The following DGKB variants were observed in gnomAD, a reference collection of about 807,000 sequenced individuals.
The protein encoded by DGKB is diacylglycerol kinase beta.
In DGKB, 67 loss-of-function variants were observed where a neutral mutation model predicts 114.3. The ratio of observed to expected loss-of-function variants is 0.59; its 90% CI spans 0.48 to 0.72. The LOEUF (loss-of-function observed/expected upper bound fraction) is 0.72, where lower values mean the gene tolerates loss of function less well. Among genes scored for constraint, DGKB ranks in the 30% least tolerant of loss-of-function variants. DGKB has a pLI of 0.00. For missense variants in DGKB, 907 were observed against 975.2 expected, an observed-to-expected ratio of 0.93 and a Z score of 0.93; for synonymous variants, 398 against 323.1, an observed-to-expected ratio of 1.23 and a Z score of -2.49.
At chr7:14,843,446 T>C (rs2128142152) in intron 1 of DGKB, among the ~76,000 whole-genome samples, 1 of 145,778 alleles carries the variant, frequency 6.9e-6, no homozygotes, top group African/African-American at 2.5e-5. Flanking sequence ...GCCATTCTCC[T>C]GCCTCAGCCT....
At chr7:14,264,576 T>C (rs1158230936) in intron 23 of DGKB, among the ~76,000 whole-genome samples, 3 of 152,148 alleles carry the variant, frequency 2.0e-5, no homozygotes, top group Non-Finnish European at 2.9e-5. Flanking sequence ...TCAAGCAACT[T>C]CTATTTTTGC....
intron 1 of DGKB, among the ~76,000 whole-genome samples, chr7:14,889,061 G>A (rs1186478596): frequency 6.6e-6 from 1 of 151,596 alleles, no homozygotes; most frequent in Non-Finnish European, 1.5e-5. Flanking sequence ...AAGACTCTAC[G>A]CTGGTCAGAA....
intron 2 of DGKB, among the ~76,000 whole-genome samples, chr7:14,765,935 C>A (rs917317529): frequency 6.6e-5 from 10 of 151,850 alleles, no homozygotes; most frequent in Non-Finnish European, 1.3e-4. Flanking sequence ...TAAATATTTC[C>A]ACCATGACAA....
At chr7:14,261,982 T>C (rs1796844081) in intron 23 of DGKB, among the ~76,000 whole-genome samples, 1 of 152,222 alleles carries the variant, frequency 6.6e-6, no homozygotes, top group Admixed American at 6.5e-5. Flanking sequence ...CATAGTGAAA[T>C]GTGCTATACG....
At chr7:14,969,754 T>A (rs1480205603) in intron 1 of DGKB, among the ~76,000 whole-genome samples, 1 of 152,182 alleles carries the variant, frequency 6.6e-6, no homozygotes, top group Non-Finnish European at 1.5e-5. Flanking sequence ...GGACCATTGG[T>A]CTACTACACG....
intron 17 of DGKB, among the ~76,000 whole-genome samples, chr7:14,589,196 G>T (rs565840840): frequency 2.6e-5 from 4 of 151,510 alleles, no homozygotes; most frequent in Non-Finnish European, 5.9e-5. Context: ...TAATATTTTT[G>T]TTGCTGGCAT....
chr7:14,763,317 G>A (rs1317658828), intron 2 of DGKB, among the ~76,000 whole-genome samples: 4 of 152,016 alleles, frequency 2.6e-5, no homozygotes, highest in East Asian at 1.9e-4. Flanking sequence ...AACTCTCTCA[G>A]AATCTACATC....
intron 2 of DGKB, among the ~76,000 whole-genome samples, chr7:14,771,002 G>C (rs151058246): frequency 6.6e-6 from 1 of 151,830 alleles, no homozygotes; most frequent in Non-Finnish European, 1.5e-5. Flanking sequence ...AGTTTTATTG[G>C]GGGTATCTGA....
intron 25 of DGKB, among the ~76,000 whole-genome samples, chr7:14,172,923 C>T (rs1284013667): frequency 3.9e-5 from 6 of 152,074 alleles, no homozygotes; most frequent in African/African-American, 1.2e-4. Flanking sequence ...ATATGTTCTA[C>T]ATGCTCAGGA....
In DGKB at chr7:14,948,560, A is replaced by C. The variant is rs985136427; in HGVS notation, c.-188+26136T>G. 4.0e-5 allele frequency among the ~76,000 whole-genome samples: 6 copies of C among 151,896 alleles called. 1 individual carries two copies. Among genetic ancestry groups the C allele is most frequent in the Admixed American group, 2.6e-4 (4 of 15,180 alleles). Reference sequence around the variant, plus strand: ...AATAGATCTTCCAGGAATGTGAAGAAGTTGAAGTTAAATCTTTCACATTAA... The same window carrying C: ...AATAGATCTTCCAGGAATGTGAAGACGTTGAAGTTAAATCTTTCACATTAA... On this transcript the variant is annotated intron_variant, in intron 1 of 4. Transcript: ENST00000437998.
intron 2 of DGKB, among the ~76,000 whole-genome samples, chr7:14,769,123 AAGAGAG>A (rs756712026): frequency 1.1e-4 from 10 of 89,172 alleles, no homozygotes; most frequent in African/African-American, 4.3e-4. Flanking sequence ...GAAAGAAAGA[AAGAGAG>A]AGAGAGAAAG....
chr7:14,825,012 G>GTATGTGTA (rs1845467741), intron 2 of DGKB, among the ~76,000 whole-genome samples: 3 of 60,844 alleles, frequency 4.9e-5, no homozygotes, highest in African/African-American at 2.6e-4. Flanking sequence ...ATATGTATGT[G>GTATGTGTA]TATGTATATA....
chr7:14,826,685 G>A (rs1277854437), intron 2 of DGKB, among the ~76,000 whole-genome samples: 1 of 152,036 alleles, frequency 6.6e-6, no homozygotes, highest in Non-Finnish European at 1.5e-5. Context: ...ATAAATTATT[G>A]AACTTCTCTG....
chr7:14,619,093 G>A (rs774089643), intron 15 of DGKB, among the ~76,000 whole-genome samples: 2 of 150,156 alleles, frequency 1.3e-5, no homozygotes, highest in Non-Finnish European at 3.0e-5. Context: ...TTCTATTTTG[G>A]TCCTTTCTGC....
chr7:14,623,180 T>C (rs1400634188), intron 14 of DGKB, among the ~76,000 whole-genome samples: 1 of 152,170 alleles, frequency 6.6e-6, no homozygotes, highest in African/African-American at 2.4e-5. Context: ...GAAGGATTCT[T>C]AGGGATTTTA....
intron 1 of DGKB, among the ~76,000 whole-genome samples, chr7:14,949,391 G>C (rs1786051230): frequency 6.6e-6 from 1 of 151,856 alleles, no homozygotes; most frequent in African/African-American, 2.4e-5. Flanking sequence ...TTTTATCTTA[G>C]AGATGCTTTA....
chr7:14,215,634 G>A (rs1017836738), intron 23 of DGKB, among the ~76,000 whole-genome samples: 6 of 151,904 alleles, frequency 3.9e-5, no homozygotes, highest in East Asian at 1.9e-4. Context: ...TCATTTTGCC[G>A]ATGAGGAAAC....
intron 1 of DGKB, among the ~76,000 whole-genome samples, chr7:14,852,499 A>AAC (rs1554304379): frequency 8.0e-5 from 12 of 150,142 alleles, no homozygotes; most frequent in South Asian, 2.1e-4. Context: ...AAAAAAAAAC[A>AAC]GAAATCAAGC....
At chr7:14,898,034 T>G (rs1782389699) in intron 1 of DGKB, among the ~76,000 whole-genome samples, 1 of 152,026 alleles carries the variant, frequency 6.6e-6, no homozygotes, top group Admixed American at 6.6e-5. Context: ...TTCAATTCTC[T>G]GTGGCATATT....
Sources: gnomAD v4.1 joint callset for allele counts (sites outside exome capture counted in the v4.1 genomes callset) on GRCh38, gnomAD v4.1.1 for gene constraint, MANE v1.5 for transcripts, NCBI Gene and HGNC (gene_info 2026-07-23, HGNC 2026-07-21) for gene names.